The following FZR1 variants were observed in gnomAD, a reference collection of about 807,000 sequenced individuals.
FZR1 encodes the protein fizzy-related protein homolog.
Under a neutral mutation model 63.6 loss-of-function variants are expected in FZR1, and 11 were observed. The observed-to-expected ratio is 0.17, with a 90% CI of 0.11 to 0.29. The LOEUF (loss-of-function observed/expected upper bound fraction) is 0.29. Among genes scored for constraint, FZR1 ranks in the 10% least tolerant of loss-of-function variants. The probability of loss-of-function intolerance (pLI) is 1.00; values close to 1 mark genes in which losing one functional copy is unlikely to be tolerated. For missense variants in FZR1, 440 were observed against 687.5 expected, an observed-to-expected ratio of 0.64 and a Z score of 4.03; for synonymous variants, 328 against 297.9, an observed-to-expected ratio of 1.10 and a Z score of -1.04.
At chr19:3,521,452 CGTG>C (rs2083100712) in intron 1 of FZR1, 1 of 150,792 alleles carries the variant, frequency 6.6e-6, no homozygotes, top group Admixed American at 6.6e-5. Flanking sequence ...TAGAGATGAC[CGTG>C]GTGGTGGCTA....
intron 7 of FZR1, among the ~76,000 whole-genome samples, chr19:3,528,071 G>C (rs2083180265): frequency 6.6e-6 from 1 of 150,668 alleles, no homozygotes; most frequent in South Asian, 2.1e-4. Flanking sequence ...CCCAGCCACT[G>C]CCCTCCCAGC....
At position 3,534,298 on chromosome 19, in the gene FZR1, C is replaced by T. The variant is rs911620370; in HGVS notation, c.1348-123C>T. Reference sequence around the variant, plus strand: ...GGTGGCCCCAGCCTGCCCCTCCCTCCTGGCTCCAGAGTCTGGGGGGCCCAG... The same window carrying T: ...GGTGGCCCCAGCCTGCCCCTCCCTCTTGGCTCCAGAGTCTGGGGGGCCCAG... On this transcript the variant is annotated intron_variant, in intron 12 of 13. Coordinates refer to ENST00000441788, the MANE Select transcript of FZR1 (RefSeq NM_016263.4). The T allele has an allele frequency of 5.3e-6, 3 of 565,656 alleles. No individual in the cohort carries two copies. The African/African-American group carries it at 5.9e-5, about 11-fold the overall frequency. The allele number at this position is 565,656 out of a possible 1,614,324, so 35.0% of individuals were successfully genotyped here.
In FZR1 at chr19:3,531,510, G is replaced by A. The variant is rs374472575; in HGVS notation, c.721-204G>A. On this transcript the variant is annotated intron_variant, in intron 8 of 13. Coordinates refer to ENST00000441788, the MANE Select transcript of FZR1 (RefSeq NM_016263.4). ...TGGCTGGACTCTGAGAAACCCAGGC[G>A]CAGTGTGTGCGGGGTGTGCCCGCCA... 4.5e-4 allele frequency among the ~76,000 whole-genome samples: 68 copies of A among 152,358 alleles called. No individual in the cohort carries two copies. The East Asian group carries it at 5.8e-3, about 13-fold the overall frequency.
chr19:3,528,818 A>C (rs1379647463), intron 7 of FZR1, among the ~76,000 whole-genome samples: 13 of 129,602 alleles, frequency 1.0e-4, no homozygotes, highest in African/African-American at 3.6e-4. Context: ...TGGATGGGTG[A>C]GTGGATGGGA....
chr19:3,529,131 TGGGAGAGCGGATGGGAGAGCGGATGGGA>T lies in FZR1; in HGVS notation c.654+1319_654+1346del, dbSNP rs1568237452. Among the ~76,000 whole-genome samples, 1,223 of 131,748 alleles carry T rather than the reference TGGGAGAGCGGATGGGAGAGCGGATGGGA, an allele frequency of 9.3e-3. 46 individuals are homozygous for T. Among genetic ancestry groups the T allele is most frequent in the African/African-American group, 0.032 (1,099 of 33,882 alleles). 86.4% of individuals were successfully genotyped at this position (131,748 alleles called of 152,430 possible). A position where few individuals can be genotyped will look rare whatever the true frequency, so the allele number is the denominator to read the frequency against. On this transcript the variant is annotated intron_variant, in intron 7 of 13. Transcript: ENST00000441788. ...ATGGGAGAGCGGATGGGAGAGCGGA[TGGGAGAGCGGATGGGAGAGCGGATGGGA>T]GAGCGGTTGGGAGAGCGGTTGGGAG...
intron 1 of FZR1, among the ~76,000 whole-genome samples, chr19:3,520,295 G>A (rs1418464705): frequency 6.6e-6 from 1 of 152,216 alleles, no homozygotes; most frequent in African/African-American, 2.4e-5. Context: ...GAAGGGGATG[G>A]GGAGGAGGCT....
intron 1 of FZR1, among the ~76,000 whole-genome samples, chr19:3,507,234 C>T (rs952282851): frequency 6.0e-5 from 9 of 149,788 alleles, no homozygotes; most frequent in Admixed American, 4.0e-4. Flanking sequence ...CGTGCACAAG[C>T]CCCTCCCTCC....
At chr19:3,522,397 C>T (rs1189232381) in intron 1 of FZR1, among the ~76,000 whole-genome samples, 2 of 152,174 alleles carry the variant, frequency 1.3e-5, no homozygotes, top group Admixed American at 6.5e-5. Flanking sequence ...TGCATGGGCC[C>T]CTGGATGTTA....
At chr19:3,534,287 G>C in intron 12 of FZR1, 134 bp from the exon 13 acceptor site, 6 of 497,562 alleles carry the variant, frequency 1.2e-5, no homozygotes, top group South Asian at 6.3e-5. Flanking sequence ...GCCCCAGCCT[G>C]CCCCTCCCTC....
In FZR1 at chr19:3,532,398, C is replaced by T. The variant is rs748371794; in HGVS notation, c.1009-19C>T. The T allele has an allele frequency of 1.3e-6, 2 of 1,574,088 alleles. No homozygotes were observed. The highest frequency in any genetic ancestry group is 1.7e-6 in the Non-Finnish European group (2 of 1,156,062). ...CACAGGGCTGGGACAGCCCCGGCCT[C>T]ACAGCCCCTGTCCCCCAGCTGCTGG... On this transcript the variant is annotated intron_variant, in intron 10 of 13. Transcript: ENST00000441788.
chr19:3,523,201 C>A, intron 2 of FZR1, 143 bp downstream of exon 2: 1 of 688,150 alleles, frequency 1.5e-6, no homozygotes. Flanking sequence ...ACGGGGCCTC[C>A]GCCTCCTGGG....
rs933403369 is a variant in FZR1 at position 3,516,598 on chromosome 19, G to A, written c.-34-6358G>A. Among the ~76,000 whole-genome samples, 3 of 152,108 alleles carry A rather than the reference G, an allele frequency of 2.0e-5. No homozygotes were observed. The highest frequency in any genetic ancestry group is 4.8e-5 in the African/African-American group (2 of 41,402). The stretch of plus-strand genomic sequence containing the variant: ...GGCAAGTGTCCAGGTGAGGTGCCCC[G>A]GGAGGCCCCAGGCCCGGGATACAGG... On this transcript the variant is annotated intron_variant, in intron 1 of 13. Coordinates refer to ENST00000441788, the MANE Select transcript of FZR1 (RefSeq NM_016263.4). The surrounding 1 kb of genome is among the most constrained non-coding windows in gnomAD (Gnocchi z 6.0).
In FZR1 at chr19:3,526,836, G is replaced by T. The variant is rs1037784139; in HGVS notation, c.388-144G>T. ...GGTCCGCAGTCCCCGCCAGGAAGGC[G>T]CCTGCCTTTTTACAGCTGCTCCACA... On this transcript the variant is annotated intron_variant, in intron 5 of 13. Transcript: ENST00000441788. The surrounding 1 kb of genome is among the most constrained non-coding windows in gnomAD (Gnocchi z 5.4). The T allele has an allele frequency of 8.0e-5, 51 of 640,080 alleles. No individual in the cohort carries two copies. The African/African-American group carries it at 8.2e-4, about 10-fold the overall frequency. 39.7% of individuals were successfully genotyped at this position (640,080 alleles called of 1,614,324 possible). A position where few individuals can be genotyped will look rare whatever the true frequency, so the allele number is the denominator to read the frequency against.
At position 3,527,024 on chromosome 19, in the gene FZR1, T is replaced by A; in HGVS notation, c.432T>A (p.Asp144Glu). 1 of 1,612,648 alleles carries A rather than the reference T, an allele frequency of 6.2e-7. No individual in the cohort carries two copies. Among genetic ancestry groups the A allele is most frequent in the Non-Finnish European group, 8.5e-7 (1 of 1,179,614 alleles). ...TKRSSPDDGNDVSPYSLSPVS... is the reference protein window; with the variant it reads ...TKRSSPDDGNEVSPYSLSPVS... ...GCTCCAGCCCCGATGACGGCAACGA[T>A]GTGTCTCCCTACTCCCTGTCTCCCG... The change falls in exon 6 of 14, where the codon GAT (aspartate) becomes GAA (glutamate). Residue 144 changes from aspartate to glutamate, a missense_variant. Physicochemically the swap from Asp to Glu is conservative, Grantham distance 45. Around this residue, in one of 5 missense-constraint regions of FZR1, gnomAD observed 200 missense variants for 245.1 expected, o/e 0.82. Coordinates refer to ENST00000441788, the MANE Select transcript of FZR1 (RefSeq NM_016263.4).
intron 1 of FZR1, among the ~76,000 whole-genome samples, chr19:3,522,604 C>T (rs2083112965): frequency 6.6e-6 from 1 of 152,200 alleles, no homozygotes; most frequent in Non-Finnish European, 1.5e-5. Flanking sequence ...GTCCCCATGG[C>T]TCCTCGGGAC....
intron 7 of FZR1, among the ~76,000 whole-genome samples, chr19:3,528,303 TG>T (rs2083182812): frequency 6.6e-6 from 1 of 152,178 alleles, no homozygotes. Context: ...CACTGCCCGC[TG>T]GGGTGGGGGT....
rs1051996603 is a variant in FZR1, at chr19:3,533,189, G to A, written c.1243-105G>A. Reference sequence around the variant, plus strand: ...CCCTGCTCCTCCTGGGCTGGCTGGCGGCTCTGAGCTCTCACATGGGCTCAG... The same window carrying A: ...CCCTGCTCCTCCTGGGCTGGCTGGCAGCTCTGAGCTCTCACATGGGCTCAG... On this transcript the variant is annotated intron_variant, in intron 11 of 13. Coordinates refer to ENST00000441788, the MANE Select transcript of FZR1 (RefSeq NM_016263.4). The surrounding 1 kb of genome is among the most constrained non-coding windows in gnomAD (Gnocchi z 4.9). The A allele has an allele frequency of 2.0e-5, 15 of 734,906 alleles. No homozygotes were observed. Among genetic ancestry groups the A allele is most frequent in the African/African-American group, 3.4e-5 (2 of 58,336 alleles). 45.5% of individuals were successfully genotyped at this position (734,906 alleles called of 1,614,324 possible). A position where few individuals can be genotyped will look rare whatever the true frequency, so the allele number is the denominator to read the frequency against.
chr19:3,529,066 G>GCGGATGGGAGAGCAGACGGTTGAA (rs1186907736), intron 7 of FZR1, among the ~76,000 whole-genome samples: 1 of 130,328 alleles, frequency 7.7e-6, no homozygotes, highest in African/African-American at 4.6e-5. Flanking sequence ...GGATGCTTGA[G>GCGGATGGGAGAGCAGACGGTTGAA]CGGATGGGAG....
chr19:3,525,841 A>G lies in FZR1; in HGVS notation c.70-27A>G. On this transcript the variant is annotated intron_variant, in intron 2 of 13. Transcript: ENST00000441788. The surrounding 1 kb of genome is among the most constrained non-coding windows in gnomAD (Gnocchi z 4.2). The stretch of plus-strand genomic sequence containing the variant: ...CTCTCGGGGGGCTCTCGGTGCTGAG[A>G]GCAAGCCCTCTGCTGATGCCCTTCA... 2 of 1,606,290 alleles carry G rather than the reference A, an allele frequency of 1.2e-6. No homozygotes were observed. The highest frequency in any genetic ancestry group is 1.7e-6 in the Non-Finnish European group (2 of 1,179,026).
Sources: gnomAD v4.1 joint callset for allele counts (sites outside exome capture counted in the v4.1 genomes callset) on GRCh38, gnomAD v4.1.1 for gene constraint, gnomAD v4.1.1 regional missense constraint, Gnocchi (gnomAD v3.1) non-coding constraint, MANE v1.5 for transcripts, NCBI Gene and HGNC (gene_info 2026-07-23, HGNC 2026-07-21) for gene names.